The following GARRE1 variants were observed in gnomAD, a reference collection of about 807,000 sequenced individuals.
GARRE1 encodes granule associated Rac and RHOG effector 1.
GARRE1 carries 49 observed loss-of-function variants against 103.2 expected under a neutral mutation model. The observed-to-expected ratio is 0.47, with a 90% CI of 0.38 to 0.60. The LOEUF is 0.60. GARRE1 is among the 20% of genes least tolerant of loss of function. The pLI is 0.00. For missense variants in GARRE1, 1,199 were observed against 1,370.5 expected (o/e 0.87, Z 1.98); for synonymous variants, 505 against 532.8 (o/e 0.95, Z 0.72).
intron 2 of GARRE1, among the ~76,000 whole-genome samples, chr19:34,303,744 T>A (rs1315120178): frequency 1.3e-5 from 2 of 151,748 alleles, no homozygotes; most frequent in Admixed American, 1.3e-4. Context: ...GCCTCCCGAG[T>A]AGGTAGGATT....
chr19:34,255,081 C>T (rs765820056), intron 1 of GARRE1, among the ~76,000 whole-genome samples: 5 of 151,914 alleles, frequency 3.3e-5, no homozygotes, highest in Admixed American at 6.6e-5. Flanking sequence ...CACGCCATCC[C>T]GGGGCTGCCG....
At chr19:34,287,680 GTC>G (rs1057148981) in intron 1 of GARRE1, among the ~76,000 whole-genome samples, 2 of 152,136 alleles carry the variant, frequency 1.3e-5, no homozygotes, top group Non-Finnish European at 2.9e-5. Context: ...CAGTTCCAAA[GTC>G]TGGAGGTTTA....
Position 34,322,995 on chromosome 19 carries a change from A to G in GARRE1, c.705+2879A>G, listed in dbSNP as rs538728723. ...AATAATGTCTAGTTCAAATCATTCC[A>G]TAATTAACTTGGCAAAGTATTTCTT... On this transcript the variant is annotated intron_variant, in intron 3 of 13. Coordinates refer to ENST00000299505, the MANE Select transcript of GARRE1 (RefSeq NM_014686.5). Among the ~76,000 whole-genome samples, 19 of 148,888 alleles carry G rather than the reference A, an allele frequency of 1.3e-4. No individual in the cohort carries two copies. In the South Asian group the frequency reaches 3.9e-3, roughly 30 times the overall value.
At position 34,327,273 on chromosome 19, in the gene GARRE1, A is replaced by C. The variant is rs564007549; in HGVS notation, c.706-148A>C. ...TTTGGGCTGCTCACTTTGCAATACA[A>C]ACAATCTAGAACTTCTAGTTTATTT... is the stretch of plus-strand genomic sequence containing the variant. On this transcript the variant is annotated intron_variant, in intron 3 of 13. Coordinates refer to ENST00000299505, the MANE Select transcript of GARRE1 (RefSeq NM_014686.5). The C allele has an allele frequency of 3.2e-5, 21 of 660,908 alleles. No homozygotes were observed. In the African/African-American group the frequency reaches 3.8e-4, roughly 12 times the overall value. 40.9% of individuals were successfully genotyped at this position (660,908 alleles called of 1,614,324 possible).
intron 1 of GARRE1, among the ~76,000 whole-genome samples, chr19:34,286,519 A>T: frequency 8.3e-6 from 1 of 120,660 alleles, no homozygotes; most frequent in East Asian, 2.4e-4. Flanking sequence ...GTGCCCAGCC[A>T]ACCTTTCTGT....
intron 3 of GARRE1, among the ~76,000 whole-genome samples, chr19:34,321,297 C>T (rs1161528983): frequency 7.6e-6 from 1 of 131,270 alleles, no homozygotes; most frequent in Non-Finnish European, 1.6e-5. Context: ...AGGGTGGTCT[C>T]AATCTCTTGA....
chr19:34,295,095 A>C (rs2073940115), intron 1 of GARRE1, among the ~76,000 whole-genome samples: 1 of 152,264 alleles, frequency 6.6e-6, no homozygotes, highest in South Asian at 2.1e-4. Context: ...TATTTTGGGG[A>C]ACCACCAGAC....
chr19:34,307,031 G>A (rs989285656), intron 2 of GARRE1, among the ~76,000 whole-genome samples: 2 of 152,086 alleles, frequency 1.3e-5, no homozygotes, highest in African/African-American at 2.4e-5. Context: ...CGGAGGGAGC[G>A]CCGAGCACAG....
At chr19:34,290,933 G>T (rs2073914393) in intron 1 of GARRE1, among the ~76,000 whole-genome samples, 1 of 109,872 alleles carries the variant, frequency 9.1e-6, no homozygotes, top group Non-Finnish European at 1.7e-5. Context: ...TTGAGACAGA[G>T]TCTCACTCTG....
At chr19:34,290,083 G>A (rs1050610231) in intron 1 of GARRE1, among the ~76,000 whole-genome samples, 8 of 152,082 alleles carry the variant, frequency 5.3e-5, no homozygotes, top group South Asian at 2.1e-4. Flanking sequence ...AGGACCGGGC[G>A]CAGTGGCTGA....
At chr19:34,352,214 T>A (rs1281905863) in intron 13 of GARRE1, among the ~76,000 whole-genome samples, 6 of 151,848 alleles carry the variant, frequency 4.0e-5, no homozygotes, top group Non-Finnish European at 7.4e-5. Context: ...CTATCCTGGC[T>A]AACACGGTGA....
At chr19:34,298,277 A>G (rs146305247) in intron 1 of GARRE1, among the ~76,000 whole-genome samples, 254 of 152,038 alleles carry the variant, frequency 1.7e-3, no homozygotes, top group African/African-American at 5.9e-3. Context: ...TTAACCAAGC[A>G]TGGTGGTACA....
intron 3 of GARRE1, 114 bp downstream of exon 3, chr19:34,320,230 C>T (rs2074080038): frequency 9.0e-6 from 8 of 884,906 alleles, no homozygotes; most frequent in Non-Finnish European, 1.4e-5. Flanking sequence ...ACATTTTAAA[C>T]TGTTATCATT....
intron 1 of GARRE1, among the ~76,000 whole-genome samples, chr19:34,281,185 A>G (rs1214020195): frequency 1.3e-5 from 2 of 152,184 alleles, no homozygotes; most frequent in South Asian, 2.1e-4. Flanking sequence ...TAGTGGCGCC[A>G]TGTTGGCTCA....
chr19:34,320,131 G>A lies in GARRE1; in HGVS notation c.705+15G>A, dbSNP rs2074079284. On this transcript the variant is annotated intron_variant, in intron 3 of 13. Transcript: ENST00000299505. ...GGGCTGCTGAGGTAACCCTGGCTTT[G>A]GGGAGATTGGTGCCTGTGTTCAAAT... 6.2e-7 allele frequency: 1 copy of A among 1,609,658 alleles called. No individual in the cohort carries two copies. Among genetic ancestry groups the A allele is most frequent in the Non-Finnish European group, 8.5e-7 (1 of 1,177,110 alleles).
intron 1 of GARRE1, chr19:34,296,155 T>TC (rs887577939): frequency 5.4e-6 from 2 of 372,256 alleles, no homozygotes; most frequent in African/African-American, 4.2e-5. Context: ...TCCCTCGCTT[T>TC]TTTTTTTTCT....
chr19:34,261,105 C>T (rs2073715094), intron 1 of GARRE1, among the ~76,000 whole-genome samples: 1 of 152,328 alleles, frequency 6.6e-6, no homozygotes, highest in African/African-American at 2.4e-5. Context: ...TGCTTAGCGT[C>T]TGTCCTCCCA....
chr19:34,339,653 TATC>T (rs1271624677), intron 8 of GARRE1, among the ~76,000 whole-genome samples: 6 of 152,250 alleles, frequency 3.9e-5, no homozygotes, highest in African/African-American at 1.2e-4. Context: ...TATATTCTGA[TATC>T]ATGAGACCTC....
chr19:34,348,642 T>C (rs576208988), intron 11 of GARRE1: 50 of 159,668 alleles, frequency 3.1e-4, no homozygotes, highest in Non-Finnish European at 5.3e-4. Flanking sequence ...CAGGGGTACA[T>C]GTGCAGGATG....
Sources: gnomAD v4.1 joint callset for allele counts (sites outside exome capture counted in the v4.1 genomes callset) on GRCh38, gnomAD v4.1.1 for gene constraint, MANE v1.5 for transcripts, NCBI Gene and HGNC (gene_info 2026-07-23, HGNC 2026-07-21) for gene names.